The following BBS9 variants were observed in gnomAD, a reference collection of about 807,000 sequenced individuals.
BBS9 encodes protein PTHB1.
Under a neutral mutation model 117.7 loss-of-function variants are expected in BBS9, and 89 were observed. That is an observed-to-expected ratio of 0.76 (90% confidence interval 0.64 to 0.90). The LOEUF is 0.90. Ranked by LOEUF, BBS9 falls within the 40% of genes least tolerant of loss-of-function variation. The pLI is 0.00. For missense variants in BBS9, 982 were observed against 1,042.2 expected (o/e 0.94, Z 0.80); for synonymous variants, 379 against 370.9 (o/e 1.02, Z -0.25).
chr7:33,635,049 C>T (rs567843369), intron 21 of BBS9, among the ~76,000 whole-genome samples: 1 of 152,178 alleles, frequency 6.6e-6, no homozygotes, highest in Non-Finnish European at 1.5e-5. Context: ...CCTTCCTTTT[C>T]CCCCGGTTCA....
At chr7:33,587,247 C>G (rs1985080) in intron 21 of BBS9, among the ~76,000 whole-genome samples, 1 of 151,714 alleles carries the variant, frequency 6.6e-6, no homozygotes, top group Non-Finnish European at 1.5e-5. Flanking sequence ...GAGCCACTTA[C>G]CCTCATTCCC....
At chr7:33,574,703 A>C (rs1269935780) in intron 21 of BBS9, among the ~76,000 whole-genome samples, 1 of 127,202 alleles carries the variant, frequency 7.9e-6, no homozygotes, top group African/African-American at 3.5e-5. Flanking sequence ...ACACACACAC[A>C]CACACACACA....
chr7:33,264,489 T>G, intron 7 of BBS9, 115 bp downstream of exon 7: 1 of 642,004 alleles, frequency 1.6e-6, no homozygotes, highest in Non-Finnish European at 2.6e-6. Flanking sequence ...CCATTCTCTT[T>G]CCTATATTAT....
intron 5 of BBS9, among the ~76,000 whole-genome samples, chr7:33,236,932 C>T (rs1793630116): frequency 6.6e-6 from 1 of 152,058 alleles, no homozygotes. Context: ...TAATGACGTA[C>T]AATTTGTGTT....
intron 9 of BBS9, among the ~76,000 whole-genome samples, chr7:33,280,666 A>G (rs1469707568): frequency 6.6e-6 from 1 of 152,150 alleles, no homozygotes. Flanking sequence ...AGAAAGATGA[A>G]CATATGATAT....
At chr7:33,584,932 T>C (rs903284267) in intron 21 of BBS9, among the ~76,000 whole-genome samples, 2 of 152,140 alleles carry the variant, frequency 1.3e-5, no homozygotes, top group Admixed American at 1.3e-4. Flanking sequence ...TTTATATTTG[T>C]TGTAATTAAA....
At chr7:33,409,809 T>G (rs966369483) in intron 19 of BBS9, among the ~76,000 whole-genome samples, 4 of 152,218 alleles carry the variant, frequency 2.6e-5, no homozygotes, top group Non-Finnish European at 4.4e-5. Flanking sequence ...TTTGATCAAA[T>G]TTACCATATA....
intron 21 of BBS9, among the ~76,000 whole-genome samples, chr7:33,540,627 A>G (rs1014032524): frequency 2.6e-5 from 4 of 152,258 alleles, no homozygotes; most frequent in Admixed American, 6.5e-5. Context: ...AAACAACTAT[A>G]TAATTGTATC....
intron 9 of BBS9, among the ~76,000 whole-genome samples, chr7:33,334,855 AGCTGTT>A (rs1814968770): frequency 6.6e-6 from 1 of 152,222 alleles, no homozygotes; most frequent in South Asian, 2.1e-4. Flanking sequence ...CTAGTTCTTT[AGCTGTT>A]GAACCAGTGA....
At chr7:33,540,198 A>T (rs572993943) in intron 21 of BBS9, among the ~76,000 whole-genome samples, 5 of 152,354 alleles carry the variant, frequency 3.3e-5, no homozygotes, top group African/African-American at 9.6e-5. Flanking sequence ...GAATTAGTTT[A>T]AAAATAGTGT....
intron 5 of BBS9, among the ~76,000 whole-genome samples, chr7:33,217,761 C>T (rs1335915311): frequency 6.6e-6 from 1 of 152,142 alleles, no homozygotes; most frequent in Non-Finnish European, 1.5e-5. Context: ...TAAGTAATTC[C>T]ATCTGACCTG....
intron 5 of BBS9, among the ~76,000 whole-genome samples, chr7:33,178,288 C>A (rs933931388): frequency 6.6e-6 from 1 of 152,178 alleles, no homozygotes; most frequent in African/African-American, 2.4e-5. Flanking sequence ...TTCTGTGTTT[C>A]ACAAAGGCAT....
intron 19 of BBS9, among the ~76,000 whole-genome samples, chr7:33,463,667 T>A: frequency 6.6e-6 from 1 of 152,124 alleles, no homozygotes; most frequent in East Asian, 1.9e-4. Flanking sequence ...GCAACCAGAT[T>A]GTAAACAAAA....
At chr7:33,334,393 G>A (rs6977009) in intron 9 of BBS9, among the ~76,000 whole-genome samples, 55,651 of 151,816 alleles carry the variant, frequency 0.37, 10,821 homozygotes, top group Admixed American at 0.49. Context: ...TCTCTGAGAA[G>A]CCCCCCCCAG....
At chr7:33,195,875 G>A (rs755728509) in intron 5 of BBS9, among the ~76,000 whole-genome samples, 2 of 151,856 alleles carry the variant, frequency 1.3e-5, no homozygotes, top group African/African-American at 2.4e-5. Flanking sequence ...ATATAATATC[G>A]GCATGGTATA....
At chr7:33,345,404 G>GGA (rs1817409890) in intron 12 of BBS9, among the ~76,000 whole-genome samples, 1 of 152,188 alleles carries the variant, frequency 6.6e-6, no homozygotes, top group Admixed American at 6.5e-5. Flanking sequence ...GTCAAAACTT[G>GGA]GATGGGGCTT....
At chr7:33,456,466 C>T (rs904213064) in intron 19 of BBS9, among the ~76,000 whole-genome samples, 3 of 151,954 alleles carry the variant, frequency 2.0e-5, no homozygotes, top group African/African-American at 7.3e-5. Flanking sequence ...TGTGCCTGTA[C>T]TAATTTATAT....
At chr7:33,433,318 C>T (rs1192609968) in intron 19 of BBS9, among the ~76,000 whole-genome samples, 4 of 152,128 alleles carry the variant, frequency 2.6e-5, no homozygotes, top group Admixed American at 2.6e-4. Flanking sequence ...CTGTATAATG[C>T]CTTTCCTCCA....
chr7:33,592,456 G>T (rs190836603), intron 21 of BBS9, among the ~76,000 whole-genome samples: 6 of 152,204 alleles, frequency 3.9e-5, no homozygotes, highest in East Asian at 1.9e-4. Flanking sequence ...TTGCCACTCT[G>T]TGTGTATTTC....
Sources: gnomAD v4.1 joint callset for allele counts (sites outside exome capture counted in the v4.1 genomes callset) on GRCh38, gnomAD v4.1.1 for gene constraint, MANE v1.5 for transcripts, NCBI Gene and HGNC (gene_info 2026-07-23, HGNC 2026-07-21) for gene names.